The following ANKH variants were observed in gnomAD, a reference collection of about 807,000 sequenced individuals.
ANKH encodes the protein ANKH inorganic pyrophosphate transport regulator.
Under a neutral mutation model 49.0 loss-of-function variants are expected in ANKH, and 15 were observed. The ratio of observed to expected loss-of-function variants is 0.31; its 90% confidence interval spans 0.20 to 0.47. The LOEUF (loss-of-function observed/expected upper bound fraction) is 0.47. Among genes scored for constraint, ANKH ranks in the 20% least tolerant of loss-of-function variants. ANKH has a pLI of 1.00. For synonymous variants in ANKH, 273 were observed against 260.0 expected (o/e 1.05, Z -0.48); for missense variants, 429 against 652.0 (o/e 0.66, Z 3.72).
At chr5:14,787,319 A>C (rs1315864089) in intron 1 of ANKH, among the ~76,000 whole-genome samples, 1 of 151,672 alleles carries the variant, frequency 6.6e-6, no homozygotes, top group African/African-American at 2.4e-5. Context: ...ATCTCAAAAA[A>C]AGAAAAAAAG....
chr5:14,765,078 G>C (rs2454873), intron 2 of ANKH, among the ~76,000 whole-genome samples: 2 of 152,090 alleles, frequency 1.3e-5, no homozygotes, highest in South Asian at 4.1e-4. Context: ...ACAACCACTG[G>C]CCTAAATGAA....
intron 1 of ANKH, among the ~76,000 whole-genome samples, chr5:14,780,938 A>G (rs1238267810): frequency 6.6e-6 from 1 of 152,228 alleles, no homozygotes; most frequent in East Asian, 1.9e-4. Flanking sequence ...TTACACCCTA[A>G]GTCGTCAGAA....
At chr5:14,738,973 C>T (rs1738270364) in intron 8 of ANKH, among the ~76,000 whole-genome samples, 1 of 152,162 alleles carries the variant, frequency 6.6e-6, no homozygotes, top group Non-Finnish European at 1.5e-5. Context: ...AAGCAGGATG[C>T]TAAGCCCTGG....
chr5:14,772,212 C>T (rs1739468812), intron 1 of ANKH, among the ~76,000 whole-genome samples: 1 of 152,152 alleles, frequency 6.6e-6, no homozygotes, highest in Admixed American at 6.5e-5. Flanking sequence ...GAGGGCTTCA[C>T]GTTCTGTGCC....
chr5:14,759,960 T>C (rs547069774), intron 2 of ANKH, among the ~76,000 whole-genome samples: 13 of 152,302 alleles, frequency 8.5e-5, no homozygotes, highest in African/African-American at 3.1e-4. Flanking sequence ...ACTATTTTCA[T>C]TCTCTTACAA....
intron 1 of ANKH, among the ~76,000 whole-genome samples, chr5:14,775,083 G>T (rs1248654658): frequency 2.6e-5 from 4 of 151,600 alleles, no homozygotes; most frequent in Admixed American, 2.6e-4. Flanking sequence ...TTGAGATGGG[G>T]TCTTCCTCTG....
chr5:14,720,202 G>A (rs1418572682), intron 8 of ANKH, among the ~76,000 whole-genome samples: 1 of 152,192 alleles, frequency 6.6e-6, no homozygotes, highest in East Asian at 1.9e-4. Context: ...ATCTGGCAAA[G>A]TATATTCCAC....
intron 8 of ANKH, among the ~76,000 whole-genome samples, chr5:14,728,713 A>C (rs1446040899): frequency 6.6e-6 from 1 of 152,178 alleles, no homozygotes; most frequent in Non-Finnish European, 1.5e-5. Flanking sequence ...ATTCTCATGA[A>C]CGGAATTTCT....
rs1459974219 is a variant in ANKH at position 14,707,904 on chromosome 5, A to T, written c.*3293T>A. The T allele has an allele frequency of 6.6e-6, 1 of 152,182 alleles. No individual in the cohort carries two copies. The highest frequency in any genetic ancestry group is 1.5e-5 in the Non-Finnish European group (1 of 68,036). The allele number at this position is 152,182 out of a possible 1,614,324, so 9.4% of individuals were successfully genotyped here. On this transcript the variant is annotated 3_prime_UTR_variant, in exon 12 of 12. Transcript: ENST00000284268. ...CAAGACAAACCCGATGCAGGCAGTC[A>T]TGGGGGATGACTGTTTTTTACCCAG... is the stretch of plus-strand genomic sequence containing the variant.
intron 1 of ANKH, among the ~76,000 whole-genome samples, chr5:14,793,357 C>T (rs73050632): frequency 0.012 from 1,754 of 151,854 alleles, 41 homozygotes; most frequent in African/African-American, 0.041. Flanking sequence ...AAAGACCTAA[C>T]CCCTAAATGT....
At chr5:14,805,831 G>A (rs955130751) in intron 1 of ANKH, among the ~76,000 whole-genome samples, 6 of 152,126 alleles carry the variant, frequency 3.9e-5, no homozygotes, top group African/African-American at 1.4e-4. Context: ...TCACACTGGA[G>A]AGCATGCACT....
intron 1 of ANKH, among the ~76,000 whole-genome samples, chr5:14,814,096 C>T (rs1403980136): frequency 6.6e-6 from 1 of 152,216 alleles, no homozygotes; most frequent in Non-Finnish European, 1.5e-5. Context: ...GACAGCGTTC[C>T]ATCTCACACA....
At chr5:14,741,729 T>C (rs1738362173) in intron 8 of ANKH, 98 bp downstream of exon 8, 1 of 860,672 alleles carries the variant, frequency 1.2e-6, no homozygotes, top group Non-Finnish European at 1.9e-6. Context: ...AGCATCACAT[T>C]ACATTGTGGA....
intron 8 of ANKH, among the ~76,000 whole-genome samples, chr5:14,724,989 T>G (rs1737781361): frequency 6.6e-6 from 1 of 152,102 alleles, no homozygotes; most frequent in Non-Finnish European, 1.5e-5. Flanking sequence ...TGCAGCTGTT[T>G]TGAATAAAAA....
intron 1 of ANKH, among the ~76,000 whole-genome samples, chr5:14,801,867 T>G (rs555612503): frequency 1.6e-4 from 25 of 152,284 alleles, no homozygotes; most frequent in African/African-American, 6.0e-4. Flanking sequence ...AACCAACAAT[T>G]TTTATAAACA....
intron 8 of ANKH, among the ~76,000 whole-genome samples, chr5:14,728,697 A>G (rs1737897999): frequency 6.6e-6 from 1 of 152,194 alleles, no homozygotes; most frequent in Non-Finnish European, 1.5e-5. Flanking sequence ...AAGGTGAGAC[A>G]GGGTCATTCT....
At chr5:14,825,652 C>A (rs1741317800) in intron 1 of ANKH, among the ~76,000 whole-genome samples, 1 of 152,148 alleles carries the variant, frequency 6.6e-6, no homozygotes, top group South Asian at 2.1e-4. Context: ...CATGCCCAGC[C>A]TCAAGCCTTT....
At chr5:14,742,051 T>C in intron 7 of ANKH, 129 bp from the exon 8 acceptor site, 1 of 741,690 alleles carries the variant, frequency 1.3e-6, no homozygotes, top group Non-Finnish European at 2.4e-6. Flanking sequence ...AAGTGACAGT[T>C]TGCCAGGCGG....
chr5:14,726,830 G>A (rs1580009538), intron 8 of ANKH, among the ~76,000 whole-genome samples: 1 of 152,232 alleles, frequency 6.6e-6, no homozygotes, highest in South Asian at 2.1e-4. Flanking sequence ...TCTGGGGAAC[G>A]GTGCTTAAGG....
Sources: allele counts gnomAD v4.1 joint callset (sites outside exome capture counted in the v4.1 genomes callset), GRCh38; gene constraint gnomAD v4.1.1; transcripts MANE v1.5; gene names NCBI Gene and HGNC (gene_info 2026-07-23, HGNC 2026-07-21).